The following ZNF708 variants were observed in gnomAD, a reference collection of about 807,000 sequenced individuals.
ZNF708 encodes zinc finger protein 708.
A neutral mutation model predicts 47.0 loss-of-function variants in ZNF708; 44 were observed. The ratio of observed to expected loss-of-function variants is 0.94; its 90% confidence interval spans 0.74 to 1.20. The LOEUF (loss-of-function observed/expected upper bound fraction) is 1.20. Ranked by LOEUF, ZNF708 falls within the 50% of genes most tolerant of loss-of-function variation. ZNF708 has a pLI of 0.00. For synonymous variants in ZNF708, 184 were observed against 218.5 expected (o/e 0.84, Z 1.39); for missense variants, 557 against 656.0 (o/e 0.85, Z 1.65).
chr19:21,310,759 A>ATTGG, intron 1 of ZNF708, 132 bp from the exon 2 acceptor site: 3 of 640,958 alleles, frequency 4.7e-6, no homozygotes, highest in Non-Finnish European at 6.9e-6. Flanking sequence ...TATCCAATAA[A>ATTGG]ATAATTTTCA....
intron 1 of ZNF708, among the ~76,000 whole-genome samples, chr19:21,324,726 A>G (rs1450131884): frequency 6.6e-6 from 1 of 152,210 alleles, no homozygotes; most frequent in East Asian, 1.9e-4. Flanking sequence ...ATTAAAAGTC[A>G]TATAGTAAAC....
chr19:21,329,326 G>A lies in ZNF708; in HGVS notation c.-114C>T, dbSNP rs895037508. 89 of 1,508,688 alleles carry A rather than the reference G, an allele frequency of 5.9e-5. No homozygotes were observed. The highest frequency in any genetic ancestry group is 7.9e-5 in the Non-Finnish European group (87 of 1,095,056). 93.5% of individuals were successfully genotyped at this position (1,508,688 alleles called of 1,614,324 possible). A position where few individuals can be genotyped will look rare whatever the true frequency, so the allele number is the denominator to read the frequency against. On this transcript the variant is annotated 5_prime_UTR_variant, in exon 1 of 4. Transcript: ENST00000356929. ...GCAGAGGACAAACAGCAGTGAAGAC[G>A]AGACCGGAGCTCCGGCTGCAGCAAG...
chr19:21,295,513 A>AG (rs1161846578), intron 3 of ZNF708, among the ~76,000 whole-genome samples: 2 of 152,186 alleles, frequency 1.3e-5, no homozygotes, highest in Non-Finnish European at 1.5e-5. Flanking sequence ...TGGGAGGCCA[A>AG]GGCGGGTGAA....
chr19:21,297,270 ATTTTTTTT>A (rs1157234305), intron 3 of ZNF708, among the ~76,000 whole-genome samples: 24 of 46,668 alleles, frequency 5.1e-4, no homozygotes, highest in Admixed American at 1.5e-3. Context: ...ATATATATAT[ATTTTTTTT>A]TTTTTTTTTT....
At chr19:21,326,128 G>T (rs1396563075) in intron 1 of ZNF708, among the ~76,000 whole-genome samples, 1 of 152,136 alleles carries the variant, frequency 6.6e-6, no homozygotes, top group Non-Finnish European at 1.5e-5. Context: ...ATGTAAACTA[G>T]AAAAGCCACT....
intron 1 of ZNF708, 151 bp downstream of exon 1, chr19:21,329,059 G>T: frequency 8.2e-7 from 1 of 1,213,626 alleles, no homozygotes; most frequent in African/African-American, 1.5e-5. Flanking sequence ...CCATCTTATG[G>T]CTGAAGGGGA....
intron 3 of ZNF708, among the ~76,000 whole-genome samples, chr19:21,303,937 C>A (rs1972709237): frequency 6.6e-6 from 1 of 151,912 alleles, no homozygotes; most frequent in Non-Finnish European, 1.5e-5. Flanking sequence ...CAAATACTGA[C>A]AAAAGTGAAG....
intron 1 of ZNF708, among the ~76,000 whole-genome samples, 194 bp downstream of exon 1, chr19:21,329,016 G>C (rs534039372): frequency 6.6e-6 from 1 of 152,352 alleles, no homozygotes; most frequent in Admixed American, 6.5e-5. Flanking sequence ...GGAAGAGACA[G>C]GACGCCCGGG....
chr19:21,303,704 G>A lies in ZNF708; in HGVS notation c.226+5542C>T, dbSNP rs181912243. 5.9e-5 allele frequency among the ~76,000 whole-genome samples: 9 copies of A among 151,976 alleles called. No individual in the cohort carries two copies. In the East Asian group the frequency reaches 1.4e-3, roughly 23 times the overall value. On this transcript the variant is annotated intron_variant, in intron 3 of 3. Coordinates refer to ENST00000356929, the MANE Select transcript of ZNF708 (RefSeq NM_021269.3). ...TTGCATTGAATAGACTGAAAGTAAC[G>A]TAATAGAAAAAATTTATTTTTCATG...
chr19:21,309,804 A>T (rs1297385769), intron 2 of ZNF708, among the ~76,000 whole-genome samples: 1 of 152,174 alleles, frequency 6.6e-6, no homozygotes, highest in African/African-American at 2.4e-5. Context: ...CTAACTTATA[A>T]CAAAATTTCT....
Position 21,294,620 on chromosome 19 carries a change from C to A in ZNF708, c.346G>T (p.Asp116Tyr), listed in dbSNP as rs1972490056. ...CCTCCTTTGTGCAACTTATGCTCAT[C>A]CACACTTTTACAGCCTTTCTGATAT... ...CGYQKGCKSV[D>Y]EHKLHKGGHK... Residue 116 changes from aspartate to tyrosine, a missense_variant, in exon 4 of 4, where the codon GAT becomes TAT. Coordinates refer to ENST00000356929, the MANE Select transcript of ZNF708 (RefSeq NM_021269.3). 1 of 1,614,018 alleles carries A rather than the reference C, an allele frequency of 6.2e-7. No homozygotes were observed. Among genetic ancestry groups the A allele is most frequent in the South Asian group, 1.1e-5 (1 of 91,092 alleles).
intron 3 of ZNF708, among the ~76,000 whole-genome samples, chr19:21,304,024 C>T (rs547663488): frequency 6.6e-6 from 1 of 152,030 alleles, no homozygotes; most frequent in East Asian, 1.9e-4. Context: ...AAAACTCAGA[C>T]ATTATAGACT....
At chr19:21,322,166 G>T (rs75036532) in intron 1 of ZNF708, among the ~76,000 whole-genome samples, 130 of 152,198 alleles carry the variant, frequency 8.5e-4, no homozygotes, top group Non-Finnish European at 1.7e-3. Flanking sequence ...CCTGAGGGTG[G>T]TGCCTAGTCC....
chr19:21,312,159 G>A (rs968394168), intron 1 of ZNF708, among the ~76,000 whole-genome samples: 1 of 152,070 alleles, frequency 6.6e-6, no homozygotes, highest in African/African-American at 2.4e-5. Flanking sequence ...GCTGGGCGTG[G>A]TGGAACGCGC....
intron 1 of ZNF708, among the ~76,000 whole-genome samples, chr19:21,320,072 A>G (rs553030345): frequency 1.3e-5 from 2 of 152,250 alleles, no homozygotes; most frequent in East Asian, 3.9e-4. Flanking sequence ...GCTATTCAGG[A>G]GGCTGAGGCA....
At position 21,293,657 on chromosome 19, in the gene ZNF708, T is replaced by C; in HGVS notation, c.1309A>G (p.Lys437Glu). 1 of 1,612,446 alleles carries C rather than the reference T, an allele frequency of 6.2e-7. No homozygotes were observed. Among genetic ancestry groups the C allele is most frequent in the Non-Finnish European group, 8.5e-7 (1 of 1,179,600 alleles). The change falls in exon 4 of 4, where the codon AAA (lysine) becomes GAA (glutamate). Residue 437 changes from lysine (K) to glutamate (E), a missense_variant. Coordinates refer to ENST00000356929, the MANE Select transcript of ZNF708 (RefSeq NM_021269.3). The part of the protein sequence containing the change: ...KAFSIFSILT[K>E]HKVIHTEDKP... ...TCTTCAGTATGAATTACTTTATGTT[T>C]AGTAAGGATTGAGAATATACTAAAG...
chr19:21,298,737 A>G (rs1972595533), intron 3 of ZNF708, among the ~76,000 whole-genome samples: 2 of 152,218 alleles, frequency 1.3e-5, no homozygotes, highest in African/African-American at 2.4e-5. Flanking sequence ...TTTCACATAT[A>G]TGGTCATATA....
At chr19:21,297,970 TG>T (rs1972574339) in intron 3 of ZNF708, among the ~76,000 whole-genome samples, 1 of 151,282 alleles carries the variant, frequency 6.6e-6, no homozygotes, top group Non-Finnish European at 1.5e-5. Flanking sequence ...AGTGTGTGTG[TG>T]TGTGTGTGTG....
intron 1 of ZNF708, among the ~76,000 whole-genome samples, chr19:21,328,487 GCTGGGAGGTACA>G (rs1599696235): frequency 6.6e-6 from 1 of 152,110 alleles, no homozygotes; most frequent in Non-Finnish European, 1.5e-5. Context: ...GAGGAATGGG[GCTGGGAGGTACA>G]CTTGAGACCC....
Sources: gnomAD v4.1 joint callset for allele counts (sites outside exome capture counted in the v4.1 genomes callset) on GRCh38, gnomAD v4.1.1 for gene constraint, MANE v1.5 for transcripts, NCBI Gene and HGNC (gene_info 2026-07-23, HGNC 2026-07-21) for gene names.